The following FAM13C variants were observed in gnomAD, a reference collection of about 807,000 sequenced individuals.
FAM13C encodes the protein family with sequence similarity 13 member C, also known as protein FAM13C.
A neutral mutation model predicts 73.2 loss-of-function variants in FAM13C; 37 were observed. That is an observed-to-expected ratio of 0.51 (90% confidence interval 0.39 to 0.67). The LOEUF (loss-of-function observed/expected upper bound fraction) is 0.67. Among genes scored for constraint, FAM13C ranks in the 30% least tolerant of loss-of-function variants. The pLI is 0.00. For missense variants in FAM13C, 589 were observed against 715.6 expected (o/e 0.82, Z 2.02); for synonymous variants, 246 against 260.9 (o/e 0.94, Z 0.55).
At chr10:59,253,388 C>A (rs1472903343) in intron 11 of FAM13C, among the ~76,000 whole-genome samples, 1 of 152,188 alleles carries the variant, frequency 6.6e-6, no homozygotes, top group Non-Finnish European at 1.5e-5. Context: ...GGACTACGGA[C>A]AACTTTTATC....
At chr10:59,257,142 CA>C (rs751333374) in intron 10 of FAM13C, among the ~76,000 whole-genome samples, 3 of 152,042 alleles carry the variant, frequency 2.0e-5, no homozygotes, top group Admixed American at 6.6e-5. Context: ...TTTATAGTAT[CA>C]GGGGTATAAC....
intron 8 of FAM13C, among the ~76,000 whole-genome samples, chr10:59,267,123 C>G (rs957608282): frequency 1.3e-5 from 2 of 152,172 alleles, no homozygotes; most frequent in Admixed American, 1.3e-4. Context: ...TAGTCTGACT[C>G]AAGAACTGCC....
intron 6 of FAM13C, among the ~76,000 whole-genome samples, chr10:59,277,044 G>C (rs189747278): frequency 6.6e-6 from 1 of 152,288 alleles, no homozygotes; most frequent in African/African-American, 2.4e-5. Flanking sequence ...ACATTTTTCA[G>C]AGTGAAATGC....
At chr10:59,252,136 C>G (rs1004402953) in intron 12 of FAM13C, among the ~76,000 whole-genome samples, 1 of 152,060 alleles carries the variant, frequency 6.6e-6, no homozygotes, top group Non-Finnish European at 1.5e-5. Context: ...AAATAAGACC[C>G]AGAAGAAAGC....
chr10:59,339,352 A>G (rs1417426496), intron 3 of FAM13C, among the ~76,000 whole-genome samples: 1 of 152,172 alleles, frequency 6.6e-6, no homozygotes, highest in African/African-American at 2.4e-5. Flanking sequence ...TATTCCCTAT[A>G]GGGAGATTTC....
intron 6 of FAM13C, among the ~76,000 whole-genome samples, chr10:59,278,061 G>A (rs1341078573): frequency 6.6e-6 from 1 of 152,208 alleles, no homozygotes; most frequent in Non-Finnish European, 1.5e-5. Context: ...GGAAAGGCTT[G>A]TCTCACATGG....
At chr10:59,257,551 C>T (rs1842060791) in intron 10 of FAM13C, among the ~76,000 whole-genome samples, 1 of 152,200 alleles carries the variant, frequency 6.6e-6, no homozygotes, top group Admixed American at 6.5e-5. Context: ...ATTCTCTTCT[C>T]TGGACAGTGA....
chr10:59,341,028 A>G (rs1853432990), intron 3 of FAM13C, among the ~76,000 whole-genome samples: 1 of 152,052 alleles, frequency 6.6e-6, no homozygotes, highest in Non-Finnish European at 1.5e-5. Flanking sequence ...CAGAGGGAAG[A>G]GGTGGGAGGC....
chr10:59,254,016 G>C (rs1841674587), intron 11 of FAM13C: 2 of 306,360 alleles, frequency 6.5e-6, no homozygotes, highest in African/African-American at 2.1e-5. Flanking sequence ...GAACAGAAAG[G>C]CTCTGTTTTG....
At position 59,324,186 on chromosome 10, in the gene FAM13C, C is replaced by T. The variant is rs192829597; in HGVS notation, c.325-80G>A. The T allele has an allele frequency of 1.9e-3, 2,180 of 1,149,208 alleles. 3 individuals are homozygous for T. The highest frequency in any genetic ancestry group is 2.2e-3 in the Non-Finnish European group (1,713 of 791,474). The allele number at this position is 1,149,208 out of a possible 1,614,324, so 71.2% of individuals were successfully genotyped here. A position where few individuals can be genotyped will look rare whatever the true frequency, so the allele number is the denominator to read the frequency against. On this transcript the variant is annotated intron_variant, in intron 3 of 13. Transcript: ENST00000618804. The stretch of plus-strand genomic sequence containing the variant: ...GCATTATTATGCTGGAAGTGGGTCT[C>T]GGGGCAGGGAAGCAGCAATGCATAA...
chr10:59,361,960 G>C (rs1469975903), intron 1 of FAM13C, among the ~76,000 whole-genome samples: 2 of 152,292 alleles, frequency 1.3e-5, no homozygotes, highest in East Asian at 3.9e-4. Context: ...AGACAAGAGA[G>C]GGCCAAGATA....
intron 5 of FAM13C, among the ~76,000 whole-genome samples, chr10:59,298,448 A>G (rs1847175161): frequency 6.6e-6 from 1 of 152,226 alleles, no homozygotes; most frequent in Admixed American, 6.5e-5. Flanking sequence ...TTTCCTGAGC[A>G]CAGAGGCCGT....
At chr10:59,281,420 T>C (rs1444212543) in intron 6 of FAM13C, among the ~76,000 whole-genome samples, 1 of 152,164 alleles carries the variant, frequency 6.6e-6, no homozygotes, top group Non-Finnish European at 1.5e-5. Context: ...TTTGGCAATA[T>C]CCCTGCCAAA....
intron 4 of FAM13C, among the ~76,000 whole-genome samples, chr10:59,317,566 A>G (rs757186752): frequency 4.6e-5 from 7 of 152,084 alleles, no homozygotes; most frequent in Non-Finnish European, 1.5e-5. Context: ...AAATTTGTTC[A>G]ATTTAGCCAT....
chr10:59,269,687 G>A (rs906986404), intron 7 of FAM13C, among the ~76,000 whole-genome samples: 3 of 152,160 alleles, frequency 2.0e-5, no homozygotes, highest in Admixed American at 1.3e-4. Flanking sequence ...GGGCTATCCT[G>A]TCTCTCATGA....
chr10:59,286,540 T>TATATATATATATATATAC (rs1468115516), intron 5 of FAM13C, among the ~76,000 whole-genome samples: 9 of 142,590 alleles, frequency 6.3e-5, no homozygotes, highest in African/African-American at 2.3e-4. Flanking sequence ...TATATATATA[T>TATATATATATATATATAC]ATTCATCATA....
intron 10 of FAM13C, among the ~76,000 whole-genome samples, chr10:59,254,730 G>A (rs775679939): frequency 1.1e-4 from 16 of 151,976 alleles, no homozygotes; most frequent in Non-Finnish European, 1.5e-4. Flanking sequence ...AGCCTCCTGA[G>A]TAGCTGGGAC....
chr10:59,347,460 A>T (rs891584363), intron 3 of FAM13C, among the ~76,000 whole-genome samples: 7 of 152,272 alleles, frequency 4.6e-5, no homozygotes, highest in African/African-American at 1.4e-4. Flanking sequence ...AGAAAAGTGG[A>T]GCATTAGGCC....
intron 1 of FAM13C, among the ~76,000 whole-genome samples, chr10:59,358,520 C>T (rs529004202): frequency 2.6e-5 from 4 of 152,196 alleles, no homozygotes; most frequent in Non-Finnish European, 4.4e-5. Context: ...TAATAGATCA[C>T]CTGAGCTTTG....
Sources: gnomAD v4.1 joint callset for allele counts (sites outside exome capture counted in the v4.1 genomes callset) on GRCh38, gnomAD v4.1.1 for gene constraint, MANE v1.5 for transcripts, NCBI Gene and HGNC (gene_info 2026-07-23, HGNC 2026-07-21) for gene names.